The following SPECC1L variants were observed in gnomAD, a reference collection of about 807,000 sequenced individuals.
The protein encoded by SPECC1L is cytospin-A.
SPECC1L carries 40 observed loss-of-function variants against 116.8 expected under a neutral mutation model. The observed-to-expected ratio is 0.34, with a 90% CI of 0.27 to 0.45. SPECC1L has a LOEUF of 0.45. Among genes scored for constraint, SPECC1L ranks in the 20% least tolerant of loss-of-function variants. SPECC1L has a pLI of 1.00. For synonymous variants in SPECC1L, 504 were observed against 500.6 expected, an observed-to-expected ratio of 1.01 and a Z score of -0.09; for missense variants, 1,110 against 1,373.6, an observed-to-expected ratio of 0.81 and a Z score of 3.03.
intron 2 of SPECC1L, among the ~76,000 whole-genome samples, chr22:24,299,581 C>G (rs759297233): frequency 6.6e-6 from 1 of 152,162 alleles, no homozygotes; most frequent in Non-Finnish European, 1.5e-5. Context: ...CCTCTTGGAC[C>G]TCTGCAAAAC....
At chr22:24,288,062 T>C (rs187301786) in intron 2 of SPECC1L, among the ~76,000 whole-genome samples, 149 of 152,292 alleles carry the variant, frequency 9.8e-4, no homozygotes, top group African/African-American at 3.5e-3. Flanking sequence ...AAGGGCCCTG[T>C]GCATAGATTT....
At chr22:24,316,160 T>C (rs185208562) in intron 4 of SPECC1L, among the ~76,000 whole-genome samples, 1 of 152,384 alleles carries the variant, frequency 6.6e-6, no homozygotes, top group East Asian at 1.9e-4. Context: ...TAAGACTGTT[T>C]GATTTCCATG....
chr22:24,388,760 A>G (rs527548221), intron 14 of SPECC1L, among the ~76,000 whole-genome samples: 47 of 147,954 alleles, frequency 3.2e-4, no homozygotes, highest in Admixed American at 3.1e-3. Flanking sequence ...AGACATCAAC[A>G]GCTTATGGGC....
In SPECC1L at chr22:24,417,733, C is replaced by T. The variant is rs962686629; in HGVS notation, c.*3110C>T. The T allele has an allele frequency of 3.3e-5, 5 of 152,114 alleles. No individual in the cohort carries two copies. The highest frequency in any genetic ancestry group is 3.3e-4 in the Admixed American group (5 of 15,268). The allele number at this position is 152,114 out of a possible 1,614,324, so 9.4% of individuals were successfully genotyped here. A position where few individuals can be genotyped will look rare whatever the true frequency, so the allele number is the denominator to read the frequency against. On this transcript the variant is annotated 3_prime_UTR_variant, in exon 17 of 17. Coordinates refer to ENST00000314328, the MANE Select transcript of SPECC1L (RefSeq NM_015330.6). Reference sequence around the variant, plus strand: ...AGAGGCAACCAGATAAACTTTTTTGCCTGTGCATTGTTTTTTGTTGGTTTT... The same window carrying T: ...AGAGGCAACCAGATAAACTTTTTTGTCTGTGCATTGTTTTTTGTTGGTTTT...
chr22:24,341,900 A>C (rs738811), intron 10 of SPECC1L, among the ~76,000 whole-genome samples: 61,512 of 152,058 alleles, frequency 0.4, 13,675 homozygotes, highest in Admixed American at 0.53. Context: ...GCTTGCCAGC[A>C]GCCATGTAGA....
chr22:24,355,755 T>C (rs1471107491), intron 11 of SPECC1L, among the ~76,000 whole-genome samples: 1 of 152,214 alleles, frequency 6.6e-6, no homozygotes, highest in East Asian at 1.9e-4. Context: ...GGTTTCGTAA[T>C]GCAGTCAGAT....
chr22:24,407,476 G>A (rs551941650), intron 14 of SPECC1L, among the ~76,000 whole-genome samples: 30 of 152,332 alleles, frequency 2.0e-4, no homozygotes, highest in African/African-American at 7.0e-4. Context: ...GCGCTGTGCA[G>A]TGGTGAGGCC....
At chr22:24,370,829 G>A (rs569918708) in intron 14 of SPECC1L, among the ~76,000 whole-genome samples, 1 of 151,776 alleles carries the variant, frequency 6.6e-6, no homozygotes, top group African/African-American at 2.4e-5. Context: ...ATACAAAAGG[G>A]CTAATACTAC....
intron 4 of SPECC1L, among the ~76,000 whole-genome samples, chr22:24,319,047 C>T (rs553223168): frequency 5.9e-5 from 9 of 152,288 alleles, no homozygotes; most frequent in African/African-American, 1.2e-4. Context: ...TTCTTACTGC[C>T]GCCCCTGAAT....
chr22:24,312,217 C>T (rs191261991), intron 3 of SPECC1L, among the ~76,000 whole-genome samples: 6 of 152,192 alleles, frequency 3.9e-5, no homozygotes, highest in Non-Finnish European at 1.5e-5. Flanking sequence ...AAGTGATCCA[C>T]CTCGGCCTCC....
At chr22:24,405,838 C>G (rs1453679870) in intron 14 of SPECC1L, among the ~76,000 whole-genome samples, 2 of 136,454 alleles carry the variant, frequency 1.5e-5, no homozygotes, top group Non-Finnish European at 3.2e-5. Flanking sequence ...GACTCTGCCT[C>G]AAAAAAAAAA....
intron 4 of SPECC1L, among the ~76,000 whole-genome samples, chr22:24,316,917 C>A (rs1479771025): frequency 8.6e-6 from 1 of 116,892 alleles, no homozygotes; most frequent in African/African-American, 3.1e-5. Context: ...GCTGACCCCC[C>A]CAACCTCCCT....
chr22:24,388,728 T>C (rs2042210969), intron 14 of SPECC1L, among the ~76,000 whole-genome samples: 1 of 152,186 alleles, frequency 6.6e-6, no homozygotes, highest in African/African-American at 2.4e-5. Flanking sequence ...TAAATAAACA[T>C]GTTCATAAGT....
chr22:24,324,220 G>A lies in SPECC1L; in HGVS notation c.1939G>A (p.Val647Ile). The change falls in exon 6 of 17, where the codon GTA becomes ATA. Residue 647 changes from valine (V) to isoleucine (I), a missense_variant and splice_region_variant. Coordinates refer to ENST00000314328, the MANE Select transcript of SPECC1L (RefSeq NM_015330.6). ...AATCTGCATCGTCAATTTTACGTAG[G>A]TAGAGGATGAATACCGAGCCTTCCA... ...ANRLQDAIAK[V>I]EDEYRAFQEE... 3 of 1,613,044 alleles carry A rather than the reference G, an allele frequency of 1.9e-6. No individual in the cohort carries two copies. The highest frequency in any genetic ancestry group is 2.5e-6 in the Non-Finnish European group (3 of 1,179,222).
chr22:24,339,232 G>T (rs2330781), intron 10 of SPECC1L, among the ~76,000 whole-genome samples: 1 of 152,148 alleles, frequency 6.6e-6, no homozygotes, highest in African/African-American at 2.4e-5. Context: ...GAAAATGAAA[G>T]TTAGCAAAGC....
chr22:24,359,017 T>C (rs1375568344), intron 11 of SPECC1L, among the ~76,000 whole-genome samples: 1 of 152,184 alleles, frequency 6.6e-6, no homozygotes, highest in East Asian at 1.9e-4. Context: ...GATGGTTTAT[T>C]TCCTTCTCCT....
rs1311667982 is a variant in SPECC1L at position 24,328,898 on chromosome 22, G to T, written c.2199G>T (p.Lys733Asn). The T allele has an allele frequency of 6.2e-7, 1 of 1,613,656 alleles. No individual in the cohort carries two copies. Among genetic ancestry groups the T allele is most frequent in the Non-Finnish European group, 8.5e-7 (1 of 1,179,654 alleles). ...DQKHDMEREI[K>N]TLHRRLREES... ...AGCACGACATGGAAAGAGAAATAAA[G>T]ACACTCCACAGAAGACTTCGGGTAG... Residue 733 changes from lysine (K) to asparagine (N), a missense_variant, in exon 7 of 17, where the codon AAG (lysine) becomes AAT (asparagine). Lys to Asn is a moderately conservative substitution (Grantham distance 94, BLOSUM62 0). Transcript: ENST00000314328.
intron 14 of SPECC1L, among the ~76,000 whole-genome samples, chr22:24,372,721 G>C (rs984951795): frequency 1.8e-4 from 27 of 151,094 alleles, no homozygotes; most frequent in African/African-American, 6.3e-4. Flanking sequence ...GCACAAGACA[G>C]GGATGCCCTC....
At chr22:24,341,661 G>T (rs190937610) in intron 10 of SPECC1L, among the ~76,000 whole-genome samples, 1 of 152,350 alleles carries the variant, frequency 6.6e-6, no homozygotes, top group East Asian at 1.9e-4. Flanking sequence ...TGCTCCTGTT[G>T]AGTGTTGGCT....
Sources: gnomAD v4.1 joint callset for allele counts (sites outside exome capture counted in the v4.1 genomes callset) on GRCh38, gnomAD v4.1.1 for gene constraint, MANE v1.5 for transcripts, NCBI Gene and HGNC (gene_info 2026-07-23, HGNC 2026-07-21) for gene names.